The following ATP6V0D1 variants were observed in gnomAD, a reference collection of about 807,000 sequenced individuals.
ATP6V0D1 encodes ATPase H+ transporting V0 subunit d1, also known as V-type proton ATPase subunit d 1.
A neutral mutation model predicts 39.0 loss-of-function variants in ATP6V0D1; 13 were observed. The ratio of observed to expected loss-of-function variants is 0.33; its 90% CI spans 0.22 to 0.53. The LOEUF (loss-of-function observed/expected upper bound fraction) is 0.53. Ranked by LOEUF, ATP6V0D1 falls within the 20% of genes least tolerant of loss-of-function variation. ATP6V0D1 has a pLI of 0.94. For missense variants in ATP6V0D1, 272 were observed against 470.9 expected, an observed-to-expected ratio of 0.58 and a Z score of 3.91; for synonymous variants, 191 against 191.2, an observed-to-expected ratio of 1.00 and a Z score of 0.01.
intron 1 of ATP6V0D1, among the ~76,000 whole-genome samples, chr16:67,457,844 G>A (rs1382398187): frequency 6.6e-6 from 1 of 152,228 alleles, no homozygotes; most frequent in African/African-American, 2.4e-5. Context: ...GCAGGCGGCT[G>A]GGTGGTTTCT....
chr16:67,453,247 C>T lies in ATP6V0D1; in HGVS notation c.302+297G>A, dbSNP rs897770355. ...GACTGGGGGAAGAGGCTTCATCCAG[C>T]ACTACTGCGTGGGACACTCTTGCCT... On this transcript the variant is annotated intron_variant, in intron 2 of 7. Coordinates refer to ENST00000290949, the MANE Select transcript of ATP6V0D1 (RefSeq NM_004691.5). This position sits in a 1 kb window ranked among gnomAD's most constrained non-coding sequence, Gnocchi z 4.1. 6.6e-6 allele frequency among the ~76,000 whole-genome samples: 1 copy of T among 152,192 alleles called. No individual in the cohort carries two copies. The highest frequency in any genetic ancestry group is 1.5e-5 in the Non-Finnish European group (1 of 68,044).
intron 1 of ATP6V0D1, 43 bp downstream of exon 1, chr16:67,480,914 C>G: frequency 6.2e-7 from 1 of 1,609,268 alleles, no homozygotes. Flanking sequence ...AACCCTCAGG[C>G]CCCGGACAGC....
chr16:67,439,447 C>G (rs1384178428), intron 4 of ATP6V0D1, 96 bp from the exon 5 acceptor site: 57 of 1,215,930 alleles, frequency 4.7e-5, no homozygotes, highest in Non-Finnish European at 6.7e-5. Context: ...CCTCCCTAGC[C>G]CCTTTCAAGG....
intron 4 of ATP6V0D1, chr16:67,439,696 A>C: frequency 1.2e-5 from 4 of 324,830 alleles, no homozygotes; most frequent in East Asian, 1.3e-4. Flanking sequence ...TTTTCCCCAA[A>C]TCTTTCCAAA....
chr16:67,473,110 C>T (rs2041387510), intron 1 of ATP6V0D1, among the ~76,000 whole-genome samples: 1 of 152,114 alleles, frequency 6.6e-6, no homozygotes, highest in African/African-American at 2.4e-5. Flanking sequence ...TTTCTCCTTC[C>T]ACCTCCCAAG....
At chr16:67,473,256 T>C (rs1457607320) in intron 1 of ATP6V0D1, among the ~76,000 whole-genome samples, 4 of 152,186 alleles carry the variant, frequency 2.6e-5, no homozygotes, top group Non-Finnish European at 5.9e-5. Context: ...TACTGAGATA[T>C]AATTCATTTG....
intron 1 of ATP6V0D1, chr16:67,455,867 GGTT>G (rs1417414379): frequency 6.6e-6 from 1 of 152,206 alleles, no homozygotes; most frequent in Admixed American, 6.5e-5. Context: ...TTACCCATTT[GGTT>G]GTTAACTGTT....
At chr16:67,476,085 G>C (rs1024303612) in intron 1 of ATP6V0D1, among the ~76,000 whole-genome samples, 2 of 152,272 alleles carry the variant, frequency 1.3e-5, no homozygotes, top group Admixed American at 6.5e-5. Context: ...AGCCAGGCGT[G>C]GTAGCGTAGG....
At chr16:67,472,378 C>T (rs746030732) in intron 1 of ATP6V0D1, among the ~76,000 whole-genome samples, 1 of 152,154 alleles carries the variant, frequency 6.6e-6, no homozygotes, top group Non-Finnish European at 1.5e-5. Flanking sequence ...CTCCCAATGC[C>T]CTCCCCCAGC....
At chr16:67,464,383 G>A (rs2041313153) in intron 1 of ATP6V0D1, among the ~76,000 whole-genome samples, 1 of 152,242 alleles carries the variant, frequency 6.6e-6, no homozygotes, top group Non-Finnish European at 1.5e-5. Context: ...GGTGTCAGGA[G>A]ACCATAATTA....
intron 1 of ATP6V0D1, among the ~76,000 whole-genome samples, chr16:67,473,659 G>C (rs995573799): frequency 6.6e-6 from 1 of 152,330 alleles, no homozygotes; most frequent in South Asian, 2.1e-4. Flanking sequence ...AAGTAGCTGG[G>C]ACTATAGGCG....
At chr16:67,476,890 T>C in intron 1 of ATP6V0D1, among the ~76,000 whole-genome samples, 1 of 151,560 alleles carries the variant, frequency 6.6e-6, no homozygotes, top group East Asian at 1.9e-4. Flanking sequence ...ACCAAAAAAT[T>C]AGCCAGGTGG....
Position 67,456,357 on chromosome 16 carries a change from G to A in ATP6V0D1, c.131-2642C>T, listed in dbSNP as rs2041238236. The A allele has an allele frequency of 6.6e-6, 1 of 152,144 alleles. No homozygotes were observed. Among genetic ancestry groups the A allele is most frequent in the South Asian group, 2.1e-4 (1 of 4,832 alleles). The allele number at this position is 152,144 out of a possible 1,614,324, so 9.4% of individuals were successfully genotyped here. ...GAGAGATTGTTAATGCCCCTGATGT[G>A]GTTTTTGTGGATGTGAAATGGTAAG... is the stretch of plus-strand genomic sequence containing the variant. On this transcript the variant is annotated intron_variant, in intron 1 of 7. Transcript: ENST00000290949. The surrounding 1 kb of genome is among the most constrained non-coding windows in gnomAD (Gnocchi z 4.1).
chr16:67,480,195 T>C (rs1597587284), intron 1 of ATP6V0D1, among the ~76,000 whole-genome samples: 1 of 72,262 alleles, frequency 1.4e-5, no homozygotes, highest in South Asian at 4.1e-4. Flanking sequence ...CGAGACTCCG[T>C]CTCAAAAAAA....
At chr16:67,469,641 A>C (rs544103182) in intron 1 of ATP6V0D1, among the ~76,000 whole-genome samples, 38 of 152,310 alleles carry the variant, frequency 2.5e-4, no homozygotes, top group South Asian at 2.3e-3. Flanking sequence ...AATGCGAAAC[A>C]AAACCTGGAC....
intron 1 of ATP6V0D1, among the ~76,000 whole-genome samples, chr16:67,473,227 G>C (rs369878748): frequency 3.3e-5 from 5 of 152,238 alleles, no homozygotes; most frequent in South Asian, 2.1e-4. Flanking sequence ...GGCTGGGGGG[G>C]GTGGCGCAGC....
At chr16:67,445,140 G>A (rs889793526) in intron 2 of ATP6V0D1, among the ~76,000 whole-genome samples, 2 of 152,232 alleles carry the variant, frequency 1.3e-5, no homozygotes, top group Non-Finnish European at 1.5e-5. Context: ...AACAGCATGT[G>A]CAAAGGCCTG....
At chr16:67,477,123 G>C (rs748041333) in intron 1 of ATP6V0D1, among the ~76,000 whole-genome samples, 2 of 140,778 alleles carry the variant, frequency 1.4e-5, no homozygotes, top group Non-Finnish European at 3.0e-5. Context: ...CAAGCCTCTA[G>C]ATCTACTACT....
At position 67,453,573 on chromosome 16, in the gene ATP6V0D1, C is replaced by T; in HGVS notation, c.273G>A (p.Glu91=). The change falls in exon 2 of 8, where the codon GAG becomes GAA. Residue 91 remains glutamate, a synonymous_variant. Transcript: ENST00000290949. This position sits in a 1 kb window ranked among gnomAD's most constrained non-coding sequence, Gnocchi z 4.1. ...EFRHMRNHAY[E]PLASFLDFIT... ...TGAAGTCTAGGAAGCTGGCGAGTGG[C>T]TCATAGGCATGGTTCCTCATGTGGC... 1 of 1,614,206 alleles carries T rather than the reference C, an allele frequency of 6.2e-7. No homozygotes were observed. Among genetic ancestry groups the T allele is most frequent in the Non-Finnish European group, 8.5e-7 (1 of 1,180,030 alleles).
Sources: gnomAD v4.1 joint callset for allele counts (sites outside exome capture counted in the v4.1 genomes callset) on GRCh38, gnomAD v4.1.1 for gene constraint, Gnocchi (gnomAD v3.1) non-coding constraint, MANE v1.5 for transcripts, NCBI Gene and HGNC (gene_info 2026-07-23, HGNC 2026-07-21) for gene names.